Variants in ADCY9 observed in about 807,000 individuals in gnomAD.
The protein encoded by ADCY9 is adenylate cyclase type 9.
ADCY9 carries 50 observed loss-of-function variants against 101.5 expected under a neutral mutation model. The ratio of observed to expected loss-of-function variants is 0.49; its 90% CI spans 0.39 to 0.62. The LOEUF (loss-of-function observed/expected upper bound fraction) is 0.62, where lower values mean the gene tolerates loss of function less well. Among genes scored for constraint, ADCY9 ranks in the 20% least tolerant of loss-of-function variants. The pLI is 0.00. For synonymous variants in ADCY9, 905 were observed against 769.3 expected (o/e 1.18, Z -2.92); for missense variants, 1,662 against 1,800.4 (o/e 0.92, Z 1.39).
intron 6 of ADCY9, among the ~76,000 whole-genome samples, chr16:3,987,321 G>A (rs994269697): frequency 1.7e-4 from 26 of 152,350 alleles, no homozygotes; most frequent in Middle Eastern, 6.8e-3. Flanking sequence ...GAGGCTGAGC[G>A]TACATTTGGT....
intron 2 of ADCY9, among the ~76,000 whole-genome samples, chr16:4,089,821 G>C (rs2056962174): frequency 6.6e-6 from 1 of 152,044 alleles, no homozygotes; most frequent in Admixed American, 6.6e-5. Context: ...CTTCCAAAGA[G>C]AGAGCAAATC....
chr16:4,082,007 G>A (rs983104643), intron 2 of ADCY9, among the ~76,000 whole-genome samples: 100 of 152,166 alleles, frequency 6.6e-4, no homozygotes, highest in African/African-American at 2.3e-3. Flanking sequence ...GGCAAGTCAC[G>A]CACAGGCAGA....
At chr16:4,029,150 C>T (rs879846242) in intron 2 of ADCY9, among the ~76,000 whole-genome samples, 1 of 152,124 alleles carries the variant, frequency 6.6e-6, no homozygotes, top group Admixed American at 6.5e-5. Flanking sequence ...TATCAGTTCA[C>T]ATTTCACGTG....
chr16:4,014,875 C>T (rs1484541740), intron 2 of ADCY9, among the ~76,000 whole-genome samples: 2 of 151,522 alleles, frequency 1.3e-5, no homozygotes, highest in African/African-American at 4.9e-5. Flanking sequence ...GGCTAAACAG[C>T]TGCCATCACA....
chr16:4,098,000 A>ATAAACAAAAAG (rs1244659227), intron 2 of ADCY9, among the ~76,000 whole-genome samples: 1 of 152,136 alleles, frequency 6.6e-6, no homozygotes, highest in East Asian at 1.9e-4. Flanking sequence ...GAAACAGATT[A>ATAAACAAAAAG]TAAACAAAAT....
intron 2 of ADCY9, among the ~76,000 whole-genome samples, chr16:4,080,208 C>T (rs1167861605): frequency 5.9e-5 from 9 of 152,024 alleles, no homozygotes; most frequent in African/African-American, 2.2e-4. Flanking sequence ...ACCACCTGTA[C>T]CTAAGAATTT....
At chr16:3,974,841 C>A in intron 9 of ADCY9, 131 bp from the exon 10 acceptor site, 1 of 669,606 alleles carries the variant, frequency 1.5e-6, no homozygotes, top group Non-Finnish European at 2.7e-6. Flanking sequence ...AAGCCACCTG[C>A]TCCCACCTCT....
chr16:3,999,349 C>T (rs1198170735), intron 3 of ADCY9, among the ~76,000 whole-genome samples: 1 of 152,220 alleles, frequency 6.6e-6, no homozygotes, highest in Non-Finnish European at 1.5e-5. Flanking sequence ...TCTGCAGTCT[C>T]GACTGTATGA....
At position 3,992,116 on chromosome 16, in the gene ADCY9, T is replaced by C. The variant is rs745985816; in HGVS notation, c.2207+30A>G. On this transcript the variant is annotated intron_variant, in intron 5 of 10. Coordinates refer to ENST00000294016, the MANE Select transcript of ADCY9 (RefSeq NM_001116.4). The surrounding 1 kb of genome is among the most constrained non-coding windows in gnomAD (Gnocchi z 4.2). ...GCAGAGAGGCTTCTGCCTGCAACCT[T>C]TGCTTTTTCCCAGACAGCCCCAGTC... is the stretch of plus-strand genomic sequence containing the variant. 4 of 1,607,680 alleles carry C rather than the reference T, an allele frequency of 2.5e-6. No homozygotes were observed. Among genetic ancestry groups the C allele is most frequent in the East Asian group, 2.2e-5 (1 of 44,784 alleles).
intron 3 of ADCY9, among the ~76,000 whole-genome samples, chr16:3,996,465 T>C (rs1027994310): frequency 3.9e-5 from 6 of 152,158 alleles, no homozygotes; most frequent in African/African-American, 1.4e-4. Context: ...AAAATAGGTG[T>C]GCCTGATACC....
At chr16:4,058,393 A>C (rs995400115) in intron 2 of ADCY9, among the ~76,000 whole-genome samples, 1 of 151,032 alleles carries the variant, frequency 6.6e-6, no homozygotes, top group African/African-American at 2.4e-5. Flanking sequence ...TGAACCTGGG[A>C]GGCAGAGGTT....
At chr16:4,083,707 C>A (rs1298823114) in intron 2 of ADCY9, among the ~76,000 whole-genome samples, 1 of 152,224 alleles carries the variant, frequency 6.6e-6, no homozygotes, top group Non-Finnish European at 1.5e-5. Flanking sequence ...ACATGCTACA[C>A]CATGGGTGAA....
chr16:4,074,417 G>A (rs1207351167), intron 2 of ADCY9, among the ~76,000 whole-genome samples: 2 of 151,810 alleles, frequency 1.3e-5, no homozygotes, highest in Non-Finnish European at 2.9e-5. Flanking sequence ...AAATCTGGCT[G>A]GGCACAGTGG....
At chr16:4,101,966 G>C (rs924955784) in intron 2 of ADCY9, among the ~76,000 whole-genome samples, 2 of 152,180 alleles carry the variant, frequency 1.3e-5, no homozygotes, top group African/African-American at 2.4e-5. Context: ...CGAGCTATCA[G>C]TATTTTGTAT....
intron 2 of ADCY9, among the ~76,000 whole-genome samples, chr16:4,044,389 A>T (rs1251670569): frequency 1.3e-5 from 2 of 152,106 alleles, no homozygotes; most frequent in Non-Finnish European, 2.9e-5. Context: ...AAATTCTAAA[A>T]CACTAGGTTT....
intron 5 of ADCY9, among the ~76,000 whole-genome samples, chr16:3,956,488 C>CTTTTTTTTTTTTT (rs1555504577): frequency 0.12 from 8,013 of 67,906 alleles, 1,170 homozygotes; most frequent in Non-Finnish European, 0.13. Flanking sequence ...GCGCAATGAG[C>CTTTTTTTTTTTTT]TTTTTTTTTT....
In ADCY9 at chr16:4,082,185, C is replaced by T. The variant is rs117983242; in HGVS notation, c.1693+31565G>A. Among the ~76,000 whole-genome samples the T allele has an allele frequency of 1.7e-3, 261 of 151,802 alleles. 1 individual carries two copies. Among genetic ancestry groups the T allele is most frequent in the Middle Eastern group, 6.8e-3 (2 of 294 alleles). On this transcript the variant is annotated intron_variant, in intron 2 of 10. Transcript: ENST00000294016. Reference sequence around the variant, plus strand: ...GACACCAGGAGTTAAAGACCAGCCTCGGCAACATAGCGAGACCCTGTCTCT... The same window carrying T: ...GACACCAGGAGTTAAAGACCAGCCTTGGCAACATAGCGAGACCCTGTCTCT...
rs1336165387 is a variant in ADCY9 at position 4,093,225 on chromosome 16, AAAGTGCTAT to A, written c.1693+20516_1693+20524del. 7.2e-5 allele frequency among the ~76,000 whole-genome samples: 11 copies of A among 152,362 alleles called. No individual in the cohort carries two copies. The East Asian group carries it at 1.7e-3, about 24-fold the overall frequency. On this transcript the variant is annotated intron_variant, in intron 2 of 10. Coordinates refer to ENST00000294016, the MANE Select transcript of ADCY9 (RefSeq NM_001116.4). The stretch of plus-strand genomic sequence containing the variant: ...CTCTTCAGAAAACTCAACCATCCAG[AAAGTGCTAT>A]CACTGACATTTATATCTAACAACAT...
At chr16:4,079,654 T>C (rs1167441504) in intron 2 of ADCY9, among the ~76,000 whole-genome samples, 1 of 152,048 alleles carries the variant, frequency 6.6e-6, no homozygotes, top group African/African-American at 2.4e-5. Flanking sequence ...TGGTGTTTAA[T>C]GGTGTTAATG....
Sources: gnomAD v4.1 joint callset for allele counts (sites outside exome capture counted in the v4.1 genomes callset) on GRCh38, gnomAD v4.1.1 for gene constraint, Gnocchi (gnomAD v3.1) non-coding constraint, MANE v1.5 for transcripts, NCBI Gene and HGNC (gene_info 2026-07-23, HGNC 2026-07-21) for gene names.